The following SNRPN variants were observed in gnomAD, a reference collection of about 807,000 sequenced individuals.
The protein encoded by SNRPN is small nuclear ribonucleoprotein polypeptide N, also known as small nuclear ribonucleoprotein-associated protein N.
A neutral mutation model predicts 25.2 loss-of-function variants in SNRPN; 7 were observed. That is an observed-to-expected ratio of 0.28 (90% CI 0.16 to 0.52). The LOEUF is 0.52. Ranked by LOEUF, SNRPN falls within the 20% of genes least tolerant of loss-of-function variation. The pLI is 0.96. For missense variants in SNRPN, 196 were observed against 322.5 expected (o/e 0.61, Z 3.00); for synonymous variants, 124 against 110.6 (o/e 1.12, Z -0.76).
intron 3 of SNRPN, among the ~76,000 whole-genome samples, chr15:24,972,083 C>A (rs1032886543): frequency 1.3e-4 from 19 of 151,910 alleles, no homozygotes; most frequent in African/African-American, 4.1e-4. Context: ...TAGCGAAATT[C>A]CTTCTCTGCT....
intron 2 of SNRPN, among the ~76,000 whole-genome samples, chr15:24,847,148 T>A (rs532210689): frequency 3.3e-5 from 5 of 152,248 alleles, no homozygotes; most frequent in African/African-American, 1.2e-4. Flanking sequence ...CTTTCATGCC[T>A]TAATTTCACC....
chr15:24,943,904 C>T (rs945283824), intron 3 of SNRPN, among the ~76,000 whole-genome samples: 1 of 152,124 alleles, frequency 6.6e-6, no homozygotes, highest in Non-Finnish European at 1.5e-5. Context: ...TCACTGCAGC[C>T]GCTGTCTCCC....
At chr15:24,863,168 G>A (rs1429113585) in intron 1 of SNRPN, among the ~76,000 whole-genome samples, 4 of 150,858 alleles carry the variant, frequency 2.7e-5, no homozygotes, top group Non-Finnish European at 5.9e-5. Flanking sequence ...GTGTTGGGGA[G>A]GGGCAAGGGT....
At chr15:24,848,555 A>G (rs2052485093) in intron 2 of SNRPN, 1 of 152,170 alleles carries the variant, frequency 6.6e-6, no homozygotes, top group South Asian at 2.1e-4. Flanking sequence ...ACCTCTTTTT[A>G]TAGTTATATA....
In SNRPN at chr15:24,935,893, T is replaced by C. The variant is rs184566165; in HGVS notation, c.-391+15769T>C. Among the ~76,000 whole-genome samples, 688 of 152,052 alleles carry C rather than the reference T, an allele frequency of 4.5e-3. 2 individuals are homozygous for C. Among genetic ancestry groups the C allele is most frequent in the South Asian group, 9.4e-3 (45 of 4,812 alleles). Reference sequence around the variant, plus strand: ...CAGTACTTTGGGAGGCCAAGGTGGGTGGATCACGAGGTCAGTTCAAGACCA... The same window carrying C: ...CAGTACTTTGGGAGGCCAAGGTGGGCGGATCACGAGGTCAGTTCAAGACCA... On this transcript the variant is annotated intron_variant, in intron 3 of 11. Coordinates refer to the SNRPN transcript ENST00000400097.
At chr15:24,901,404 G>A (rs187134036) in intron 2 of SNRPN, among the ~76,000 whole-genome samples, 1 of 152,150 alleles carries the variant, frequency 6.6e-6, no homozygotes, top group Non-Finnish European at 1.5e-5. Context: ...ATCAAGAAAA[G>A]TTCCGGGTCT....
chr15:24,832,349 T>G (rs1877715904), intron 2 of SNRPN, among the ~76,000 whole-genome samples: 1 of 152,064 alleles, frequency 6.6e-6, no homozygotes, highest in Admixed American at 6.6e-5. Flanking sequence ...CCATTGCTAC[T>G]CAAAGGGATT....
At chr15:24,954,967 GCTGC>G, upstream of SNRPN, 1 of 1,592,836 alleles carries the variant, frequency 6.3e-7, no homozygotes, top group East Asian at 2.2e-5. Flanking sequence ...GAAGCCTGCC[GCTGC>G]TGCAGCGAGT....
chr15:24,909,304 G>T lies in SNRPN; in HGVS notation c.-504-10707G>T, dbSNP rs140120791. 1.9e-4 allele frequency: 300 copies of T among 1,603,650 alleles called. 1 individual carries two copies. In the East Asian group the frequency reaches 6.3e-3, roughly 34 times the overall value. On this transcript the variant is annotated intron_variant, in intron 2 of 11. Transcript: ENST00000400097. Reference sequence around the variant, plus strand: ...CAGGGAATTGTTTGGTACTGTGAGGGATAGACAAGCCTCCATCCACAGCTC... The same window carrying T: ...CAGGGAATTGTTTGGTACTGTGAGGTATAGACAAGCCTCCATCCACAGCTC...
chr15:24,918,409 A>T (rs58673536), intron 2 of SNRPN, among the ~76,000 whole-genome samples: 2,364 of 55,482 alleles, frequency 0.043, 204 homozygotes, highest in African/African-American at 0.11. Flanking sequence ...TATATAACAT[A>T]ATATATATGT....
intron 1 of SNRPN, among the ~76,000 whole-genome samples, chr15:24,956,355 G>GGGGT (rs563996697): frequency 0.014 from 951 of 66,084 alleles, 30 homozygotes; most frequent in African/African-American, 0.042. Context: ...GCGCTTCAGC[G>GGGGT]GGGGGGTGGC....
At chr15:24,917,574 C>T (rs899865274) in intron 2 of SNRPN, among the ~76,000 whole-genome samples, 1 of 152,180 alleles carries the variant, frequency 6.6e-6, no homozygotes, top group Non-Finnish European at 1.5e-5. Context: ...CAGGTAATAA[C>T]GCCATCATTT....
intron 6 of SNRPN, 111 bp from the exon 7 acceptor site, chr15:24,976,766 A>C: frequency 1.1e-6 from 1 of 937,816 alleles, no homozygotes; most frequent in Non-Finnish European, 1.7e-6. Context: ...CACAGAACTA[A>C]TATGAGATAG....
chr15:24,848,901 TTTTTATTTTA>T (rs1170595945), intron 2 of SNRPN: 2 of 152,032 alleles, frequency 1.3e-5, no homozygotes, highest in South Asian at 2.1e-4. Flanking sequence ...TTTTTTTTAA[TTTTTATTTTA>T]TTTTATTTTA....
intron 1 of SNRPN, among the ~76,000 whole-genome samples, chr15:24,961,214 G>A (rs2074750887): frequency 6.6e-6 from 1 of 152,100 alleles, no homozygotes; most frequent in African/African-American, 2.4e-5. Flanking sequence ...ATGTGTGTAT[G>A]GCTTGATTAG....
chr15:24,922,832 G>T lies in SNRPN; in HGVS notation c.-391+2708G>T, dbSNP rs192533860. Among the ~76,000 whole-genome samples, 4 of 145,250 alleles carry T rather than the reference G, an allele frequency of 2.8e-5. No homozygotes were observed. In the Admixed American group the frequency reaches 2.8e-4, roughly 10 times the overall value. Reference sequence around the variant, plus strand: ...TACAGAGTGTATGCATATCACTATAGGTATACAGACATATCATTATCCTAG... The same window carrying T: ...TACAGAGTGTATGCATATCACTATATGTATACAGACATATCATTATCCTAG... On this transcript the variant is annotated intron_variant, in intron 3 of 11. Coordinates refer to the SNRPN transcript ENST00000400097.
chr15:24,861,642 T>C (rs1011910109), intron 1 of SNRPN, among the ~76,000 whole-genome samples: 3 of 152,194 alleles, frequency 2.0e-5, no homozygotes, highest in African/African-American at 7.2e-5. Context: ...TTGACATCTC[T>C]AGGTGATAGG....
At chr15:24,962,417 T>C (rs1467596906) in intron 2 of SNRPN, among the ~76,000 whole-genome samples, 1 of 152,234 alleles carries the variant, frequency 6.6e-6, no homozygotes, top group Non-Finnish European at 1.5e-5. Context: ...TAATTTTCTT[T>C]TTTCCTATAC....
At chr15:24,826,995 C>T (rs989483475) in intron 1 of SNRPN, among the ~76,000 whole-genome samples, 5 of 151,860 alleles carry the variant, frequency 3.3e-5, no homozygotes, top group Non-Finnish European at 5.9e-5. Flanking sequence ...AATGATAACA[C>T]GATGGTGTCA....
Sources: allele counts gnomAD v4.1 joint callset (sites outside exome capture counted in the v4.1 genomes callset), GRCh38; gene constraint gnomAD v4.1.1; transcripts MANE v1.5; gene names NCBI Gene and HGNC (gene_info 2026-07-23, HGNC 2026-07-21).